The following RETREG1 variants were observed in gnomAD, a reference collection of about 807,000 sequenced individuals.
The protein encoded by RETREG1 is reticulophagy regulator 1.
In RETREG1, 44 loss-of-function variants were observed where a neutral mutation model predicts 54.8. The observed-to-expected ratio is 0.80, with a 90% CI of 0.63 to 1.03. The LOEUF (loss-of-function observed/expected upper bound fraction) is 1.03, where lower values mean the gene tolerates loss of function less well. RETREG1 is among the 50% of genes least tolerant of loss of function. The pLI is 0.00. For missense variants in RETREG1, 554 were observed against 605.1 expected, an observed-to-expected ratio of 0.92 and a Z score of 0.89; for synonymous variants, 217 against 238.5, an observed-to-expected ratio of 0.91 and a Z score of 0.83.
intron 1 of RETREG1, 166 bp downstream of exon 1, chr5:16,616,486 G>T (rs1330208322): frequency 1.7e-6 from 2 of 1,197,184 alleles, no homozygotes; most frequent in African/African-American, 1.6e-5. Context: ...GGAAAGTTGC[G>T]GTGAGTGTCT....
rs1741866348 is a variant in RETREG1 at position 16,561,904 on chromosome 5, G to C, written c.458+3859C>G. The stretch of plus-strand genomic sequence containing the variant: ...AACCCTGAGTCAAAGAGCATGGAGT[G>C]CTTTTTCAAATCCACTGAAATTACC... On this transcript the variant is annotated intron_variant, in intron 3 of 8. Transcript: ENST00000306320. The surrounding 1 kb of genome is among the most constrained non-coding windows in gnomAD (Gnocchi z 4.2). Among the ~76,000 whole-genome samples, 1 of 152,202 alleles carries C rather than the reference G, an allele frequency of 6.6e-6. No individual in the cohort carries two copies.
chr5:16,485,940 C>A (rs1382997883), intron 3 of RETREG1, among the ~76,000 whole-genome samples: 1 of 152,010 alleles, frequency 6.6e-6, no homozygotes, highest in Admixed American at 6.6e-5. Flanking sequence ...ACACTATTTG[C>A]TGGAAAGAAA....
chr5:16,520,101 G>A (rs956678339), intron 3 of RETREG1, among the ~76,000 whole-genome samples: 47 of 152,246 alleles, frequency 3.1e-4, no homozygotes, highest in African/African-American at 1.1e-3. Flanking sequence ...AAGGGCTGCT[G>A]GGGGACAGGC....
intron 3 of RETREG1, among the ~76,000 whole-genome samples, chr5:16,488,202 A>C (rs1341104893): frequency 7.2e-5 from 11 of 152,252 alleles, no homozygotes; most frequent in African/African-American, 2.2e-4. Flanking sequence ...TCTGGGCAAG[A>C]CGGTGTGAGA....
chr5:16,535,842 C>T (rs1374532784), intron 3 of RETREG1, among the ~76,000 whole-genome samples: 1 of 135,436 alleles, frequency 7.4e-6, no homozygotes, highest in African/African-American at 2.9e-5. Flanking sequence ...AGCTGGGGTT[C>T]CTGTGTGCAC....
At chr5:16,522,487 T>G (rs1380596009) in intron 3 of RETREG1, among the ~76,000 whole-genome samples, 1 of 152,072 alleles carries the variant, frequency 6.6e-6, no homozygotes, top group Non-Finnish European at 1.5e-5. Context: ...CAAAACACCT[T>G]CAATGACTAG....
chr5:16,532,731 T>C (rs1409333281), intron 3 of RETREG1, among the ~76,000 whole-genome samples: 2 of 152,230 alleles, frequency 1.3e-5, no homozygotes, highest in Non-Finnish European at 2.9e-5. Flanking sequence ...TCCTTCATTG[T>C]TTATTAGTAT....
chr5:16,592,302 G>T (rs1434543195), intron 1 of RETREG1, among the ~76,000 whole-genome samples: 1 of 152,154 alleles, frequency 6.6e-6, no homozygotes, highest in East Asian at 1.9e-4. Flanking sequence ...ATGAAAAAAA[G>T]CTCAGTATTA....
chr5:16,580,398 T>C (rs553378987), intron 1 of RETREG1, among the ~76,000 whole-genome samples: 43 of 152,350 alleles, frequency 2.8e-4, no homozygotes, highest in African/African-American at 9.6e-4. Flanking sequence ...GCCTCCAGCA[T>C]TCTGAAGGGC....
chr5:16,500,077 C>T (rs1739638917), intron 3 of RETREG1, among the ~76,000 whole-genome samples: 1 of 152,198 alleles, frequency 6.6e-6, no homozygotes, highest in South Asian at 2.1e-4. Context: ...ATGGGAGCCT[C>T]CCTTTAAGAC....
rs183858220 is a variant in RETREG1, at chr5:16,561,194, C to A, written c.458+4569G>T. ...TAACCAGTTCTAGAATGAATAAGACCCTTCCTATAAACGGTACTTCCCGCC... is the reference window on the plus strand; with the variant it reads ...TAACCAGTTCTAGAATGAATAAGACACTTCCTATAAACGGTACTTCCCGCC... On this transcript the variant is annotated intron_variant, in intron 3 of 8. Coordinates refer to ENST00000306320, the MANE Select transcript of RETREG1 (RefSeq NM_001034850.3). The surrounding 1 kb of genome is among the most constrained non-coding windows in gnomAD (Gnocchi z 4.2). 2.0e-5 allele frequency among the ~76,000 whole-genome samples: 3 copies of A among 151,834 alleles called. No individual in the cohort carries two copies. The highest frequency in any genetic ancestry group is 2.1e-4 in the South Asian group (1 of 4,796).
intron 3 of RETREG1, among the ~76,000 whole-genome samples, chr5:16,549,688 A>G (rs953854009): frequency 2.6e-5 from 4 of 152,210 alleles, no homozygotes; most frequent in African/African-American, 9.6e-5. Context: ...AAGTATTTAA[A>G]TGTGCAATTT....
At chr5:16,526,922 T>G (rs1437018354) in intron 3 of RETREG1, among the ~76,000 whole-genome samples, 1 of 152,150 alleles carries the variant, frequency 6.6e-6, no homozygotes, top group African/African-American at 2.4e-5. Flanking sequence ...TACAGACAAC[T>G]AACACTCACA....
At chr5:16,503,810 C>A (rs928480253) in intron 3 of RETREG1, among the ~76,000 whole-genome samples, 2 of 152,060 alleles carry the variant, frequency 1.3e-5, no homozygotes, top group Non-Finnish European at 2.9e-5. Flanking sequence ...TTATCTTGGC[C>A]CACAATCAAT....
intron 1 of RETREG1, among the ~76,000 whole-genome samples, chr5:16,602,977 C>T (rs958263091): frequency 5.3e-5 from 8 of 152,170 alleles, no homozygotes; most frequent in African/African-American, 1.9e-4. Context: ...CATCACACTC[C>T]AGCCTGGGCA....
At chr5:16,546,477 T>A (rs1039443573) in intron 3 of RETREG1, among the ~76,000 whole-genome samples, 1 of 152,234 alleles carries the variant, frequency 6.6e-6, no homozygotes, top group Non-Finnish European at 1.5e-5. Flanking sequence ...CAAAATTTTA[T>A]ATTATTGAGA....
At chr5:16,580,791 C>A (rs896556897) in intron 1 of RETREG1, among the ~76,000 whole-genome samples, 2 of 152,074 alleles carry the variant, frequency 1.3e-5, no homozygotes, top group African/African-American at 4.8e-5. Flanking sequence ...TAGAGGGTTG[C>A]CTTAATTTTC....
intron 3 of RETREG1, chr5:16,508,686 T>A (rs1438816443): frequency 7.5e-6 from 12 of 1,608,790 alleles, no homozygotes; most frequent in Non-Finnish European, 1.0e-5. Context: ...GGCCAAACAA[T>A]AGTTTCTTTT....
At chr5:16,587,650 C>CA (rs1212197730) in intron 1 of RETREG1, among the ~76,000 whole-genome samples, 1 of 152,122 alleles carries the variant, frequency 6.6e-6, no homozygotes, top group Non-Finnish European at 1.5e-5. Context: ...TCCAGGGTCC[C>CA]AAAAAGAAAT....
Sources: allele counts gnomAD v4.1 joint callset (sites outside exome capture counted in the v4.1 genomes callset), GRCh38; gene constraint gnomAD v4.1.1; non-coding constraint Gnocchi (gnomAD v3.1); transcripts MANE v1.5; gene names NCBI Gene and HGNC (gene_info 2026-07-23, HGNC 2026-07-21).